The following ATPSCKMT variants were observed in gnomAD, a reference collection of about 807,000 sequenced individuals.
ATPSCKMT encodes the protein ATP synthase c subunit lysine N-methyltransferase.
ATPSCKMT carries 24 observed loss-of-function variants against 24.3 expected under a neutral mutation model. The observed-to-expected ratio is 0.99, with a 90% CI of 0.71 to 1.39. The LOEUF is 1.39. ATPSCKMT is among the 40% of genes most tolerant of loss of function. ATPSCKMT has a pLI of 0.00. For synonymous variants in ATPSCKMT, 95 were observed against 110.5 expected, an observed-to-expected ratio of 0.86 and a Z score of 0.88; for missense variants, 311 against 298.4, an observed-to-expected ratio of 1.04 and a Z score of -0.31.
In ATPSCKMT at chr5:10,225,536, T is replaced by C. The variant is rs1412188805; in HGVS notation, c.*1905A>G. 6.6e-6 allele frequency among the ~76,000 whole-genome samples: 1 copy of C among 152,212 alleles called. No individual in the cohort carries two copies. Among genetic ancestry groups the C allele is most frequent in the Admixed American group, 6.5e-5 (1 of 15,284 alleles). ...CAAAAGAAAGAGCTTTAATTGGACTTACAGTTCCATGTGGCTGGAATATCT... is the reference window on the plus strand; with the variant it reads ...CAAAAGAAAGAGCTTTAATTGGACTCACAGTTCCATGTGGCTGGAATATCT... On this transcript the variant is annotated 3_prime_UTR_variant, in exon 5 of 5. Transcript: ENST00000511437.
intron 4 of ATPSCKMT, among the ~76,000 whole-genome samples, chr5:10,233,928 C>T (rs1262408426): frequency 6.6e-6 from 1 of 152,170 alleles, no homozygotes; most frequent in Non-Finnish European, 1.5e-5. Flanking sequence ...GGAGTGTGCC[C>T]TTCTACCTCA....
Position 10,227,590 on chromosome 5 carries a change from C to G in ATPSCKMT, c.553G>C (p.Ala185Pro), listed in dbSNP as rs937448650. The stretch of plus-strand genomic sequence containing the variant: ...CAATGTGGGAAAGGGAACCGGCAAG[C>G]AATAACTCGTGCATCATCCTCAAGT... ...RELEDDARVI[A>P]CRFPFPHWTP... The change falls in exon 5 of 5, where the codon GCT (alanine) becomes CCT (proline). Residue 185 changes from alanine to proline, a missense_variant. Ala to Pro is a conservative substitution (Grantham distance 27). Transcript: ENST00000511437. 2 of 1,614,198 alleles carry G rather than the reference C, an allele frequency of 1.2e-6. No homozygotes were observed. Among genetic ancestry groups the G allele is most frequent in the Non-Finnish European group, 1.7e-6 (2 of 1,180,046 alleles).
At chr5:10,228,197 T>C (rs887013219) in intron 4 of ATPSCKMT, among the ~76,000 whole-genome samples, 1 of 152,182 alleles carries the variant, frequency 6.6e-6, no homozygotes, top group African/African-American at 2.4e-5. Context: ...CACACAACAC[T>C]AATTGTCTTA....
rs149447471 is a variant in ATPSCKMT, at chr5:10,227,062, T to C, written c.*379A>G. The C allele has an allele frequency of 8.2e-5, 15 of 182,348 alleles. No individual in the cohort carries two copies. The East Asian group carries it at 2.2e-3, about 26-fold the overall frequency. The allele number at this position is 182,348 out of a possible 1,614,324, so 11.3% of individuals were successfully genotyped here. ...CTTAAGTATGAACAAAGTTATAGGA[T>C]ACTACAAACAGTTGGTAATATATAC... On this transcript the variant is annotated 3_prime_UTR_variant, in exon 5 of 5. Transcript: ENST00000511437.
intron 4 of ATPSCKMT, among the ~76,000 whole-genome samples, chr5:10,229,554 T>C (rs1394115562): frequency 1.3e-5 from 2 of 152,030 alleles, no homozygotes; most frequent in Non-Finnish European, 2.9e-5. Flanking sequence ...TGTGGGGAGA[T>C]GCTTTGGGAT....
chr5:10,238,260 T>C (rs1402483927), intron 2 of ATPSCKMT, among the ~76,000 whole-genome samples: 3 of 152,170 alleles, frequency 2.0e-5, no homozygotes, highest in African/African-American at 7.2e-5. Flanking sequence ...CTACGGTATG[T>C]GTATCTTAAC....
rs374664049 is a variant in ATPSCKMT, at chr5:10,236,597, T to G, written c.325A>C (p.Lys109Gln). Residue 109 changes from lysine (K) to glutamine (Q), a missense_variant, in exon 3 of 5, where the codon AAA becomes CAA. Transcript: ENST00000511437. ...DGRIVIAAAK[K>Q]GFTAVGYELN... ...TCATAACCAACTGCTGTGAACCCTT[T>G]CTTCGCAGCCGCTATGACCTGTGGA... 1 of 1,614,088 alleles carries G rather than the reference T, an allele frequency of 6.2e-7. No individual in the cohort carries two copies. The highest frequency in any genetic ancestry group is 1.3e-5 in the African/African-American group (1 of 74,940).
intron 1 of ATPSCKMT, among the ~76,000 whole-genome samples, chr5:10,246,566 C>T (rs72738971): frequency 0.026 from 3,976 of 152,210 alleles, 60 homozygotes; most frequent in Middle Eastern, 0.051. Flanking sequence ...CAAGATTCAT[C>T]CAGGTTGCAA....
At position 10,235,224 on chromosome 5, in the gene ATPSCKMT, C is replaced by A. The variant is rs779097396; in HGVS notation, c.482G>T (p.Gly161Val). ...FSQYSNVVIF[G>V]VPQMMLQLEK... ...GTGCATACTCACCATCTGAGGCACA[C>A]CGAAAATAACAACGTTCGAGTACTG... Residue 161 changes from glycine (G) to valine (V), a missense_variant, in exon 4 of 5, where the codon GGT (glycine) becomes GTT (valine). Physicochemically the swap from Gly to Val is moderately radical, Grantham distance 109. Transcript: ENST00000511437. The A allele has an allele frequency of 6.2e-6, 10 of 1,613,602 alleles. No homozygotes were observed. The highest frequency in any genetic ancestry group is 8.5e-6 in the Non-Finnish European group (10 of 1,179,760).
Position 10,235,437 on chromosome 5 carries a change from T to C in ATPSCKMT, c.445-176A>G, listed in dbSNP as rs544357417. On this transcript the variant is annotated intron_variant, in intron 3 of 4. Coordinates refer to ENST00000511437, the MANE Select transcript of ATPSCKMT (RefSeq NM_199133.4). Reference sequence around the variant, plus strand: ...CACAAGGAAAAGAATAACATGTTCATGCTCTCATTCATTTTAATTCAATCC... The same window carrying C: ...CACAAGGAAAAGAATAACATGTTCACGCTCTCATTCATTTTAATTCAATCC... Among the ~76,000 whole-genome samples, 26 of 152,324 alleles carry C rather than the reference T, an allele frequency of 1.7e-4. No homozygotes were observed. The South Asian group carries it at 4.1e-3, about 24-fold the overall frequency.
Position 10,245,216 on chromosome 5 carries a change from T to C in ATPSCKMT, c.16+4642A>G, listed in dbSNP as rs539267760. Among the ~76,000 whole-genome samples, 5 of 151,950 alleles carry C rather than the reference T, an allele frequency of 3.3e-5. No individual in the cohort carries two copies. The South Asian group carries it at 8.3e-4, about 25-fold the overall frequency. ...CGGGCAGATCATGAGGTCAGGAGATTGAGACTATCCTGGCTAACACAGTGA... is the reference window on the plus strand; with the variant it reads ...CGGGCAGATCATGAGGTCAGGAGATCGAGACTATCCTGGCTAACACAGTGA... On this transcript the variant is annotated intron_variant, in intron 1 of 4. Coordinates refer to ENST00000511437, the MANE Select transcript of ATPSCKMT (RefSeq NM_199133.4).
chr5:10,238,311 T>C (rs186096708), intron 2 of ATPSCKMT, among the ~76,000 whole-genome samples: 1 of 152,312 alleles, frequency 6.6e-6, no homozygotes, highest in Non-Finnish European at 1.5e-5. Flanking sequence ...ATTAAAAATA[T>C]CTTAACTTTC....
At chr5:10,236,394 C>T (rs913370246) in intron 3 of ATPSCKMT, 84 bp downstream of exon 3, 1 of 1,443,806 alleles carries the variant, frequency 6.9e-7, no homozygotes, top group Non-Finnish European at 9.4e-7. Context: ...TCTTTTAATA[C>T]ATTTTTCAGT....
chr5:10,239,648 C>T (rs931937589), intron 1 of ATPSCKMT, among the ~76,000 whole-genome samples: 1 of 152,084 alleles, frequency 6.6e-6, no homozygotes, highest in Non-Finnish European at 1.5e-5. Flanking sequence ...TCAAACTTAT[C>T]GAGTAATTTA....
At chr5:10,240,104 G>A (rs1403085035) in intron 1 of ATPSCKMT, among the ~76,000 whole-genome samples, 1 of 151,598 alleles carries the variant, frequency 6.6e-6, no homozygotes, top group East Asian at 1.9e-4. Flanking sequence ...CGTGGTGGCG[G>A]GCGCCTGTAG....
At chr5:10,245,426 T>A (rs2578622) in intron 1 of ATPSCKMT, among the ~76,000 whole-genome samples, 46,824 of 150,644 alleles carry the variant, frequency 0.31, 8,249 homozygotes, top group East Asian at 0.72. Flanking sequence ...TCTCAAAAAA[T>A]AATAATAAAA....
intron 1 of ATPSCKMT, among the ~76,000 whole-genome samples, chr5:10,239,998 G>A (rs555522143): frequency 7.9e-5 from 12 of 151,740 alleles, no homozygotes; most frequent in South Asian, 6.3e-4. Context: ...AGGCCAAGGC[G>A]GGCCGATCAC....
chr5:10,232,951 C>A (rs532143986), intron 4 of ATPSCKMT, among the ~76,000 whole-genome samples: 1 of 152,372 alleles, frequency 6.6e-6, no homozygotes, highest in East Asian at 1.9e-4. Context: ...AACCCCACAA[C>A]TGGCTTGACC....
chr5:10,233,251 C>T (rs1010112797), intron 4 of ATPSCKMT, among the ~76,000 whole-genome samples: 9 of 152,262 alleles, frequency 5.9e-5, no homozygotes, highest in South Asian at 4.1e-4. Context: ...GCACAGCACA[C>T]GCCCCCTCCC....
Sources: allele counts gnomAD v4.1 joint callset (sites outside exome capture counted in the v4.1 genomes callset), GRCh38; gene constraint gnomAD v4.1.1; transcripts MANE v1.5; gene names NCBI Gene and HGNC (gene_info 2026-07-23, HGNC 2026-07-21).